CPD: variants seen among roughly 807,000 people sequenced by gnomAD.
CPD encodes metallocarboxypeptidase D.
Under a neutral mutation model 138.3 loss-of-function variants are expected in CPD, and 69 were observed. That is an observed-to-expected ratio of 0.50 (90% CI 0.41 to 0.61). The LOEUF (loss-of-function observed/expected upper bound fraction) is 0.61. Among genes scored for constraint, CPD ranks in the 20% least tolerant of loss-of-function variants. The probability of loss-of-function intolerance (pLI) is 0.00; values close to 1 mark genes in which losing one functional copy is unlikely to be tolerated. For synonymous variants in CPD, 651 were observed against 642.1 expected (o/e 1.01, Z -0.21); for missense variants, 1,432 against 1,733.3 (o/e 0.83, Z 3.09).
chr17:30,419,498 C>T (rs1597718705), intron 2 of CPD, among the ~76,000 whole-genome samples: 1 of 152,268 alleles, frequency 6.6e-6, no homozygotes, highest in Non-Finnish European at 1.5e-5. Context: ...TGCCACCACA[C>T]CCAGCTAATT....
intron 1 of CPD, among the ~76,000 whole-genome samples, chr17:30,381,741 C>T (rs1041077363): frequency 5.9e-5 from 9 of 152,130 alleles, no homozygotes; most frequent in Admixed American, 5.2e-4. Context: ...AAACATTAGT[C>T]TGTATGGGAA....
At chr17:30,386,880 C>G (rs534080294) in intron 2 of CPD, among the ~76,000 whole-genome samples, 41 of 152,142 alleles carry the variant, frequency 2.7e-4, no homozygotes, top group African/African-American at 9.4e-4. Flanking sequence ...GGGTTGTTTC[C>G]ACCTTGGCTA....
Position 30,420,962 on chromosome 17 carries a change from T to G in CPD, c.1116T>G (p.Ser372=). The G allele has an allele frequency of 1.2e-6, 2 of 1,613,690 alleles. No individual in the cohort carries two copies. The highest frequency in any genetic ancestry group is 1.7e-6 in the Non-Finnish European group (2 of 1,179,710). ...AGGAATGGGAGAACAATCGTGAGTC[T>G]TTGATCACATTGATTGAAAAGGTAA... ...LRQEWENNRE[S]LITLIEKVHI... The change falls in exon 3 of 21, where the codon TCT becomes TCG. Residue 372 remains serine, a synonymous_variant. Transcript: ENST00000225719.
chr17:30,423,767 A>G, intron 6 of CPD, 70 bp downstream of exon 6: 1 of 1,182,300 alleles, frequency 8.5e-7, no homozygotes, highest in Non-Finnish European at 1.1e-6. Flanking sequence ...GGAGAAGAGA[A>G]TTTGAACTGG....
chr17:30,448,083 A>T (rs1913075023), intron 12 of CPD, among the ~76,000 whole-genome samples: 1 of 152,230 alleles, frequency 6.6e-6, no homozygotes, highest in African/African-American at 2.4e-5. Flanking sequence ...AGTGATACTT[A>T]ACTTTCTTTG....
intron 2 of CPD, among the ~76,000 whole-genome samples, chr17:30,402,814 T>A (rs1456739188): frequency 6.6e-6 from 1 of 152,116 alleles, no homozygotes; most frequent in Non-Finnish European, 1.5e-5. Context: ...TATTAAAACA[T>A]AATACTTGTT....
intron 8 of CPD, 144 bp downstream of exon 8, chr17:30,432,025 T>C (rs578202480): frequency 1.3e-5 from 8 of 610,526 alleles, no homozygotes; most frequent in African/African-American, 7.4e-5. Context: ...AATAGCTTTT[T>C]CTCCTGTTTC....
chr17:30,437,861 G>A lies in CPD; in HGVS notation c.2128-1114G>A, dbSNP rs934257433. Among the ~76,000 whole-genome samples the A allele has an allele frequency of 3.9e-5, 6 of 152,230 alleles. No individual in the cohort carries two copies. In the South Asian group the frequency reaches 1.2e-3, roughly 32 times the overall value. On this transcript the variant is annotated intron_variant, in intron 8 of 20. Transcript: ENST00000225719. ...ATTTTATTTTGTTTTTGTTAGGACA[G>A]AGTCTTGCTTTGTCACCCAGGCTGT...
At chr17:30,407,538 G>A (rs537041887) in intron 2 of CPD, among the ~76,000 whole-genome samples, 1 of 152,230 alleles carries the variant, frequency 6.6e-6, no homozygotes, top group South Asian at 2.1e-4. Flanking sequence ...TCTCATTGTG[G>A]TTTTGATTTG....
At chr17:30,437,561 T>C (rs1912735042) in intron 8 of CPD, among the ~76,000 whole-genome samples, 2 of 151,982 alleles carry the variant, frequency 1.3e-5, no homozygotes, top group Non-Finnish European at 2.9e-5. Context: ...GGTGCATGCC[T>C]ATAGTCCCAG....
chr17:30,462,420 A>G lies in CPD; in HGVS notation c.3867A>G (p.Thr1289=). 2 of 1,614,032 alleles carry G rather than the reference A, an allele frequency of 1.2e-6. No homozygotes were observed. The highest frequency in any genetic ancestry group is 2.2e-5 in the East Asian group (1 of 44,868). The change falls in exon 20 of 21, where the codon ACA becomes ACG. Residue 1289 remains threonine, a synonymous_variant. Coordinates refer to ENST00000225719, the MANE Select transcript of CPD (RefSeq NM_001304.5). ...AASSVVIVFD[T]DNRIFGLPRE... ...GTTCTGTGGTGATAGTCTTTGACAC[A>G]GATAACCGGATATTTGGTTTGCCAA...
chr17:30,392,972 A>T (rs1484907896), intron 2 of CPD, among the ~76,000 whole-genome samples: 1 of 152,210 alleles, frequency 6.6e-6, no homozygotes, highest in East Asian at 1.9e-4. Context: ...ATAAAGCTTT[A>T]TATTTGTCTT....
intron 12 of CPD, 22 bp downstream of exon 12, chr17:30,446,042 C>CTT (rs752252494): frequency 5.1e-4 from 598 of 1,166,782 alleles, no homozygotes; most frequent in South Asian, 6.2e-4. Flanking sequence ...TTTCTATTGT[C>CTT]TTTTTTTTTT....
chr17:30,422,878 C>T lies in CPD; in HGVS notation c.1512C>T (p.His504=). ...QPIQPKDFHH[H]HFPDMEIFLR... is the part of the protein sequence containing the mutation. Reference sequence around the variant, plus strand: ...TTCAGCCAAAGGACTTTCACCACCACCATTTCCCTGATATGGAAATCTTCT... The same window carrying T: ...TTCAGCCAAAGGACTTTCACCACCATCATTTCCCTGATATGGAAATCTTCT... The change falls in exon 5 of 21, where the codon CAC becomes CAT. Residue 504 remains histidine, a synonymous_variant. Transcript: ENST00000225719. 3 of 1,614,056 alleles carry T rather than the reference C, an allele frequency of 1.9e-6. No homozygotes were observed. The highest frequency in any genetic ancestry group is 2.2e-5 in the South Asian group (2 of 91,074).
intron 1 of CPD, chr17:30,380,410 A>G: frequency 9.1e-7 from 1 of 1,093,718 alleles, no homozygotes; most frequent in Non-Finnish European, 1.1e-6. Flanking sequence ...GAAGATATGG[A>G]CTTAGCTGGA....
intron 8 of CPD, among the ~76,000 whole-genome samples, chr17:30,435,863 G>A (rs971118510): frequency 3.3e-5 from 5 of 152,052 alleles, no homozygotes; most frequent in Non-Finnish European, 7.4e-5. Flanking sequence ...CTAGTTTCTG[G>A]TGCTTTGCTG....
At chr17:30,416,951 A>G (rs1912123640) in intron 2 of CPD, among the ~76,000 whole-genome samples, 1 of 151,890 alleles carries the variant, frequency 6.6e-6, no homozygotes, top group African/African-American at 2.4e-5. Context: ...AAATACAGAA[A>G]ATTAGCTGGG....
In CPD at chr17:30,451,790, C is replaced by T; in HGVS notation, c.3149C>T (p.Thr1050Ile). The T allele has an allele frequency of 1.2e-6, 2 of 1,614,014 alleles. No individual in the cohort carries two copies. The highest frequency in any genetic ancestry group is 8.5e-7 in the Non-Finnish European group (1 of 1,179,958). ...GRERAQEKDC[T>I]SKIGQTNARG... ...GAGAGAGCTCAAGAGAAAGACTGTA[C>T]TTCAAAAATAGGACAAACAAATGCT... The change falls in exon 14 of 21, where the codon ACT becomes ATT. Residue 1050 changes from threonine to isoleucine, a missense_variant. Thr to Ile is a moderately conservative substitution (Grantham distance 89, BLOSUM62 -1). Transcript: ENST00000225719.
chr17:30,411,724 T>C (rs1393220279), intron 2 of CPD, among the ~76,000 whole-genome samples: 7 of 152,210 alleles, frequency 4.6e-5, no homozygotes, highest in Admixed American at 4.6e-4. Flanking sequence ...ATTTAAGGTC[T>C]TCTCTACACT....
Sources: gnomAD v4.1 joint callset for allele counts (sites outside exome capture counted in the v4.1 genomes callset) on GRCh38, gnomAD v4.1.1 for gene constraint, MANE v1.5 for transcripts, NCBI Gene and HGNC (gene_info 2026-07-23, HGNC 2026-07-21) for gene names.